The following U2SURP variants were observed in gnomAD, a reference collection of about 807,000 sequenced individuals.
U2SURP encodes the protein U2 snRNP-associated SURP motif-containing protein.
A neutral mutation model predicts 144.9 loss-of-function variants in U2SURP; 9 were observed. That is an observed-to-expected ratio of 0.06 (90% CI 0.04 to 0.11). U2SURP has a LOEUF of 0.11. U2SURP is among the 10% of genes least tolerant of loss of function. The probability of loss-of-function intolerance (pLI) is 1.00; values close to 1 mark genes in which losing one functional copy is unlikely to be tolerated. For missense variants in U2SURP, 724 were observed against 1,226.7 expected, an observed-to-expected ratio of 0.59 and a Z score of 6.12; for synonymous variants, 408 against 396.8, an observed-to-expected ratio of 1.03 and a Z score of -0.33.
chr3:143,023,769 A>T (rs1436864677), intron 12 of U2SURP, among the ~76,000 whole-genome samples: 1 of 152,188 alleles, frequency 6.6e-6, no homozygotes, highest in Admixed American at 6.5e-5. Flanking sequence ...GATTCTTTGC[A>T]TTTGGTGAAC....
intron 1 of U2SURP, among the ~76,000 whole-genome samples, chr3:143,005,542 GA>G (rs1935789656): frequency 6.6e-6 from 1 of 152,104 alleles, no homozygotes; most frequent in Admixed American, 6.5e-5. Flanking sequence ...TTTTGGTCTG[GA>G]AGGTAGAACT....
At chr3:143,019,715 G>A (rs1936542308) in intron 6 of U2SURP, among the ~76,000 whole-genome samples, 1 of 152,140 alleles carries the variant, frequency 6.6e-6, no homozygotes, top group African/African-American at 2.4e-5. Context: ...TGGCAGTTCA[G>A]TTACTTCATG....
Position 143,053,722 on chromosome 3 carries a change from A to G in U2SURP, c.2702A>G (p.Asp901Gly), listed in dbSNP as rs772107032. ...AGAGAACGAGAAAGAGACAAGAAAG[A>G]TAAAGAAAAATTGGAATCTCGCTCC... is the stretch of plus-strand genomic sequence containing the variant. ...LERERERDKK[D>G]KEKLESRSKD... The change falls in exon 26 of 28, where the codon GAT becomes GGT. Residue 901 changes from aspartate (D) to glycine (G), a missense_variant. Asp to Gly is a moderately conservative substitution (Grantham distance 94). Coordinates refer to ENST00000473835, the MANE Select transcript of U2SURP (RefSeq NM_001080415.2). 1 of 1,602,986 alleles carries G rather than the reference A, an allele frequency of 6.2e-7. No individual in the cohort carries two copies. Among genetic ancestry groups the G allele is most frequent in the Non-Finnish European group, 8.5e-7 (1 of 1,173,040 alleles).
At chr3:143,014,059 T>G (rs1211324999) in intron 3 of U2SURP, among the ~76,000 whole-genome samples, 1 of 52,618 alleles carries the variant, frequency 1.9e-5, no homozygotes, top group Non-Finnish European at 3.1e-5. Context: ...TATTTTTACC[T>G]TTTTTTTTTA....
chr3:143,021,429 T>A, intron 9 of U2SURP, 44 bp downstream of exon 9: 4 of 1,610,048 alleles, frequency 2.5e-6, no homozygotes, highest in Non-Finnish European at 3.4e-6. Context: ...TTTTCCAAAC[T>A]TTATGTTTTG....
chr3:143,043,132 T>G lies in U2SURP; in HGVS notation c.2400T>G (p.Ser800Arg). 1.2e-6 allele frequency: 2 copies of G among 1,603,334 alleles called. No homozygotes were observed. The highest frequency in any genetic ancestry group is 1.7e-6 in the Non-Finnish European group (2 of 1,175,226). ...GTTTCTAAAGTCAAGAAGAAGAAAG[T>G]GAAGATGAAGAAGATACTCAAAGTT... ...EEENQNQEEE[S>R]EDEEDTQSSK... The change falls in exon 24 of 28, where the codon AGT becomes AGG. Residue 800 changes from serine (S) to arginine (R), a missense_variant. Physicochemically the swap from Ser to Arg is moderately radical, Grantham distance 110. Transcript: ENST00000473835.
intron 3 of U2SURP, 108 bp from the exon 4 acceptor site, chr3:143,014,202 TA>T (rs966343987): frequency 1.4e-4 from 83 of 574,568 alleles, no homozygotes; most frequent in Non-Finnish European, 1.8e-4. Context: ...CAATGAAATT[TA>T]AAAAAAAACG....
In U2SURP at chr3:143,028,382, G is replaced by A. The variant is rs780355478; in HGVS notation, c.1422G>A (p.Arg474=). The change falls in exon 15 of 28, where the codon AGG becomes AGA. Residue 474 remains arginine (R), a synonymous_variant. Transcript: ENST00000473835. The part of the protein sequence containing the change: ...ENQTPAHVYY[R]WKLYSILQGD... The stretch of plus-strand genomic sequence containing the variant: ...AGACACCAGCCCATGTTTACTATAG[G>A]TGGAAGCTTTATTCTATTCTGCAGG... 4 of 1,613,100 alleles carry A rather than the reference G, an allele frequency of 2.5e-6. No homozygotes were observed. In the East Asian group the frequency reaches 8.9e-5, roughly 36 times the overall value.
At chr3:143,011,004 CTTT>C (rs78844477) in intron 2 of U2SURP, 145 bp downstream of exon 2, 14 of 448,828 alleles carry the variant, frequency 3.1e-5, no homozygotes, top group Admixed American at 4.2e-5. Context: ...AGGCGCCTTC[CTTT>C]TTTTTTTTTA....
chr3:143,023,139 ATTT>A, intron 12 of U2SURP, 75 bp downstream of exon 12: 1 of 1,289,200 alleles, frequency 7.8e-7, no homozygotes, highest in Non-Finnish European at 1.1e-6. Context: ...CTTTTCAACA[ATTT>A]TATAGAAAAT....
chr3:143,013,675 A>G (rs1033467595), intron 3 of U2SURP, among the ~76,000 whole-genome samples: 3 of 152,124 alleles, frequency 2.0e-5, no homozygotes, highest in Non-Finnish European at 4.4e-5. Context: ...AGTTGCTTCT[A>G]AGTTACATAA....
intron 24 of U2SURP, 130 bp downstream of exon 24, chr3:143,043,406 G>C (rs1325234553): frequency 3.0e-5 from 30 of 988,518 alleles, no homozygotes; most frequent in Non-Finnish European, 4.3e-5. Context: ...CTTCATACCA[G>C]ATGACTTTTC....
chr3:143,050,365 G>A (rs939237081), intron 24 of U2SURP, among the ~76,000 whole-genome samples: 2 of 152,116 alleles, frequency 1.3e-5, no homozygotes, highest in East Asian at 1.9e-4. Context: ...GAGCCACTGC[G>A]CCCGGCCTGG....
intron 27 of U2SURP, among the ~76,000 whole-genome samples, chr3:143,055,950 A>G (rs758084514): frequency 3.3e-5 from 5 of 152,100 alleles, no homozygotes; most frequent in Non-Finnish European, 5.9e-5. Flanking sequence ...GCAACTTTGA[A>G]CTTTATCTTG....
intron 16 of U2SURP, among the ~76,000 whole-genome samples, chr3:143,029,000 A>G (rs1933318435): frequency 6.6e-6 from 1 of 152,198 alleles, no homozygotes; most frequent in African/African-American, 2.4e-5. Flanking sequence ...TTGTGTGGCT[A>G]GTGGGATCAG....
chr3:143,011,231 C>T (rs190663438), intron 2 of U2SURP, among the ~76,000 whole-genome samples: 1 of 152,198 alleles, frequency 6.6e-6, no homozygotes, highest in African/African-American at 2.4e-5. Flanking sequence ...CTAATCTGTT[C>T]TTTCTTAAGG....
chr3:143,002,700 A>G (rs1935600804), intron 1 of U2SURP, among the ~76,000 whole-genome samples: 1 of 152,214 alleles, frequency 6.6e-6, no homozygotes, highest in Non-Finnish European at 1.5e-5. Context: ...GCTTGCGTTT[A>G]CAGTTCTGAG....
intron 24 of U2SURP, among the ~76,000 whole-genome samples, chr3:143,045,907 G>A (rs1411735388): frequency 6.6e-6 from 1 of 152,184 alleles, no homozygotes; most frequent in African/African-American, 2.4e-5. Flanking sequence ...TGGCAAACTT[G>A]GACTAGAACT....
chr3:143,020,029 T>C lies in U2SURP; in HGVS notation c.631T>C (p.Leu211=), dbSNP rs1255243912. 8.0e-6 allele frequency: 12 copies of C among 1,500,210 alleles called. No homozygotes were observed. The highest frequency in any genetic ancestry group is 1.7e-4 in the Middle Eastern group (1 of 5,836). The allele number at this position is 1,500,210 out of a possible 1,614,324, so 92.9% of individuals were successfully genotyped here. Residue 211 remains leucine (L), a synonymous_variant, in exon 7 of 28, where the codon TTA becomes CTA. Transcript: ENST00000473835. ...CAATTTGGAACTCTTCAAAGAAGAA[T>C]TAAAGCAGTAAGTTTTATAGTGTGG... ...KSNLELFKEE[L]KQIQEERDER...
Sources: gnomAD v4.1 joint callset for allele counts (sites outside exome capture counted in the v4.1 genomes callset) on GRCh38, gnomAD v4.1.1 for gene constraint, MANE v1.5 for transcripts, NCBI Gene and HGNC (gene_info 2026-07-23, HGNC 2026-07-21) for gene names.